Variants in SRPRB observed in about 807,000 individuals in gnomAD.
SRPRB encodes signal recognition particle receptor subunit beta.
A neutral mutation model predicts 31.9 loss-of-function variants in SRPRB; 20 were observed. The ratio of observed to expected loss-of-function variants is 0.63; its 90% CI spans 0.44 to 0.91. The LOEUF is 0.91. Among genes scored for constraint, SRPRB ranks in the 40% least tolerant of loss-of-function variants. SRPRB has a pLI of 0.00. For missense variants in SRPRB, 321 were observed against 324.9 expected (o/e 0.99, Z 0.09); for synonymous variants, 146 against 132.8 (o/e 1.10, Z -0.68).
chr3:133,819,046 G>C (rs957174835), intron 6 of SRPRB, among the ~76,000 whole-genome samples: 3 of 152,032 alleles, frequency 2.0e-5, no homozygotes, highest in African/African-American at 7.3e-5. Context: ...ACTTACATTG[G>C]GAAGGTTTTG....
At chr3:133,803,979 C>T (rs1199351070), upstream of SRPRB, among the ~76,000 whole-genome samples, 1 of 149,730 alleles carries the variant, frequency 6.7e-6, no homozygotes, top group Non-Finnish European at 1.5e-5. Context: ...GCCTGTAGTC[C>T]CAGCTACTCG....
intron 5 of SRPRB, among the ~76,000 whole-genome samples, 187 bp downstream of exon 5, chr3:133,815,913 A>G (rs1009668934): frequency 1.3e-5 from 2 of 152,216 alleles, no homozygotes; most frequent in African/African-American, 4.8e-5. Flanking sequence ...TCTTCTAACC[A>G]GAAGACCAAG....
At chr3:133,806,042 C>T in intron 1 of SRPRB, 40 bp downstream of exon 1, 1 of 1,599,590 alleles carries the variant, frequency 6.3e-7, no homozygotes, top group Middle Eastern at 1.7e-4. Context: ...TTGGGGCGGG[C>T]AGAGGTCCGG....
intron 1 of SRPRB, chr3:133,795,470 T>A (rs2715637): frequency 0.78 from 117,996 of 152,026 alleles, 46,664 homozygotes; most frequent in African/African-American, 0.94. Context: ...ATGTGCTGAG[T>A]CCAAAAGCCC....
intron 3 of SRPRB, among the ~76,000 whole-genome samples, chr3:133,809,332 T>C (rs144172569): frequency 1.1e-3 from 167 of 152,308 alleles, no homozygotes; most frequent in African/African-American, 3.8e-3. Context: ...TGAGGGCTCG[T>C]TGGAGGATGT....
chr3:133,810,518 G>C (rs1342272834), intron 3 of SRPRB: 2 of 152,164 alleles, frequency 1.3e-5, no homozygotes, highest in Admixed American at 1.3e-4. Flanking sequence ...CTCAGTAGGG[G>C]CTCAGGAATT....
chr3:133,796,980 T>C (rs370966701), intron 1 of SRPRB, among the ~76,000 whole-genome samples: 4 of 152,344 alleles, frequency 2.6e-5, no homozygotes, highest in East Asian at 1.9e-4. Flanking sequence ...ATGACACAAT[T>C]GACTGTTGTC....
At chr3:133,823,530 G>A (rs1394485729), downstream of SRPRB, among the ~76,000 whole-genome samples, 2 of 152,230 alleles carry the variant, frequency 1.3e-5, no homozygotes, top group African/African-American at 4.8e-5. Context: ...GGTGGCAGCA[G>A]ATTGGAGGGT....
chr3:133,823,014 G>GT (rs1258905601), downstream of SRPRB, among the ~76,000 whole-genome samples: 1 of 152,218 alleles, frequency 6.6e-6, no homozygotes, highest in Non-Finnish European at 1.5e-5. Flanking sequence ...TTAGAGGCTA[G>GT]TAGCCCCATT....
At chr3:133,812,462 CTG>C (rs1935282268) in intron 4 of SRPRB, among the ~76,000 whole-genome samples, 1 of 152,134 alleles carries the variant, frequency 6.6e-6, no homozygotes, top group Admixed American at 6.5e-5. Context: ...TATAACTACT[CTG>C]TGATTCATGT....
At chr3:133,807,684 T>C (rs950774818) in intron 2 of SRPRB, 62 bp from the exon 3 acceptor site, 3 of 1,107,292 alleles carry the variant, frequency 2.7e-6, no homozygotes, top group Non-Finnish European at 4.1e-6. Flanking sequence ...CTTAGAATAA[T>C]ATAACTCAAT....
chr3:133,793,259 A>G (rs1436424971), intron 1 of SRPRB: 1 of 152,168 alleles, frequency 6.6e-6, no homozygotes, highest in Non-Finnish European at 1.5e-5. Context: ...CTTTTAAAAC[A>G]TTTTTGAGTC....
chr3:133,827,830 G>A, downstream of SRPRB: 1 of 619,714 alleles, frequency 1.6e-6, no homozygotes, highest in South Asian at 1.5e-5. Context: ...AAGGCTTCAG[G>A]ATGGCACACT....
Position 133,819,625 on chromosome 3 carries a change from G to A in SRPRB, c.675G>A (p.Leu225=). The change falls in exon 7 of 7, where the codon CTG becomes CTA. Residue 225 remains leucine, a synonymous_variant. Transcript: ENST00000678299. Reference sequence around the variant, plus strand: ...GTTCCAGCACTGCCCCTGCTCAGCTGGGGAAGAAAGGCAAAGAGTTTGAAT... The same window carrying A: ...GTTCCAGCACTGCCCCTGCTCAGCTAGGGAAGAAAGGCAAAGAGTTTGAAT... The part of the protein sequence containing the change: ...LDSSSTAPAQ[L]GKKGKEFEFS... The A allele has an allele frequency of 6.2e-7, 1 of 1,614,196 alleles. No homozygotes were observed. Among genetic ancestry groups the A allele is most frequent in the Non-Finnish European group, 8.5e-7 (1 of 1,180,040 alleles).
chr3:133,811,348 T>TCA lies in SRPRB; in HGVS notation c.410+149_410+150insCA, dbSNP rs1253969245. 11 of 628,028 alleles carry TCA rather than the reference T, an allele frequency of 1.8e-5. No individual in the cohort carries two copies. The African/African-American group carries it at 2.0e-4, about 12-fold the overall frequency. 38.9% of individuals were successfully genotyped at this position (628,028 alleles called of 1,614,324 possible). ...ACCTTGGGGTCAGCCAGTTCTGGGTTGCAAGTCCACCTTCACCTGGATGAT... is the reference window on the plus strand; with the variant it reads ...ACCTTGGGGTCAGCCAGTTCTGGGTTCAGCAAGTCCACCTTCACCTGGATGAT... On this transcript the variant is annotated intron_variant, in intron 4 of 6. Coordinates refer to ENST00000678299, the MANE Select transcript of SRPRB (RefSeq NM_001379313.1).
rs1375866077 is a variant in SRPRB, at chr3:133,820,060, C to G, written c.*294C>G. 5 of 355,984 alleles carry G rather than the reference C, an allele frequency of 1.4e-5. No individual in the cohort carries two copies. The East Asian group carries it at 2.2e-4, about 16-fold the overall frequency. The allele number at this position is 355,984 out of a possible 1,614,324, so 22.1% of individuals were successfully genotyped here. ...AGGTTTTTGTGACAACAGGCAGACT[C>G]CACACAGAGAGGATATGATGAGAAT... On this transcript the variant is annotated 3_prime_UTR_variant, in exon 7 of 7. Transcript: ENST00000678299.
chr3:133,799,246 C>G (rs537063170), intron 1 of SRPRB, among the ~76,000 whole-genome samples: 2 of 152,236 alleles, frequency 1.3e-5, no homozygotes, highest in African/African-American at 4.8e-5. Context: ...AGTACTCTCA[C>G]AGGGTGTTTA....
At chr3:133,825,675 T>C (rs747293405), downstream of SRPRB, 2 of 152,210 alleles carry the variant, frequency 1.3e-5, no homozygotes, top group Non-Finnish European at 2.9e-5. Context: ...TGTTTGCTTT[T>C]TCCATCTTAC....
chr3:133,810,006 C>T (rs1431800960), intron 3 of SRPRB, among the ~76,000 whole-genome samples: 1 of 152,062 alleles, frequency 6.6e-6, no homozygotes. Flanking sequence ...TTCACTCTTT[C>T]TCCTACCCCC....
Sources: allele counts gnomAD v4.1 joint callset (sites outside exome capture counted in the v4.1 genomes callset), GRCh38; gene constraint gnomAD v4.1.1; transcripts MANE v1.5; gene names NCBI Gene and HGNC (gene_info 2026-07-23, HGNC 2026-07-21).